The following NR1D2 variants were observed in gnomAD, a reference collection of about 807,000 sequenced individuals.
NR1D2 encodes V-erbA-related protein 1-related.
A neutral mutation model predicts 52.2 loss-of-function variants in NR1D2; 25 were observed. The observed-to-expected ratio is 0.48, with a 90% confidence interval of 0.35 to 0.67. The LOEUF (loss-of-function observed/expected upper bound fraction) is 0.67. Among genes scored for constraint, NR1D2 ranks in the 30% least tolerant of loss-of-function variants. The pLI is 0.01. For missense variants in NR1D2, 681 were observed against 707.2 expected (o/e 0.96, Z 0.42); for synonymous variants, 259 against 230.1 (o/e 1.13, Z -1.14).
intron 1 of NR1D2, 69 bp downstream of exon 1, chr3:23,945,663 G>C (rs956595592): frequency 2.8e-6 from 3 of 1,083,688 alleles, no homozygotes; most frequent in African/African-American, 1.7e-5. Flanking sequence ...GGCACTTTGG[G>C]GGGCGGCGGC....
At chr3:23,975,048 A>G (rs1170124590) in intron 7 of NR1D2, among the ~76,000 whole-genome samples, 1 of 151,958 alleles carries the variant, frequency 6.6e-6, no homozygotes, top group East Asian at 1.9e-4. Context: ...CAAACTCCTG[A>G]TCTCAGGTGA....
chr3:23,945,808 T>A (rs963990703), intron 1 of NR1D2, among the ~76,000 whole-genome samples: 1 of 149,924 alleles, frequency 6.7e-6, no homozygotes, highest in African/African-American at 2.4e-5. Context: ...CAGCGCGGCC[T>A]GCCGGCGCCC....
At chr3:23,958,180 G>T (rs920125145) in intron 3 of NR1D2, among the ~76,000 whole-genome samples, 2 of 152,164 alleles carry the variant, frequency 1.3e-5, no homozygotes, top group East Asian at 3.8e-4. Context: ...TTGGTGTGTG[G>T]TGTAACACTT....
At chr3:23,970,971 G>A (rs111725700) in intron 7 of NR1D2, among the ~76,000 whole-genome samples, 13 of 152,044 alleles carry the variant, frequency 8.6e-5, no homozygotes, top group African/African-American at 3.1e-4. Flanking sequence ...AGTAGACAGG[G>A]GGTTTCTCCA....
chr3:23,965,418 T>C (rs1706415927), intron 6 of NR1D2, among the ~76,000 whole-genome samples: 1 of 151,156 alleles, frequency 6.6e-6, no homozygotes, highest in Admixed American at 6.6e-5. Context: ...TTTTTTGTTT[T>C]TTTTTTTTTG....
chr3:23,963,750 A>G (rs1390771715), intron 5 of NR1D2, among the ~76,000 whole-genome samples: 7 of 151,976 alleles, frequency 4.6e-5, no homozygotes, highest in Admixed American at 1.3e-4. Flanking sequence ...CGCCTGGCCA[A>G]GTGGCTGCCT....
intron 7 of NR1D2, among the ~76,000 whole-genome samples, chr3:23,973,661 ATTT>A (rs573761026): frequency 6.6e-6 from 1 of 151,592 alleles, no homozygotes; most frequent in Non-Finnish European, 1.5e-5. Flanking sequence ...ATTTATTAAA[ATTT>A]TTTTTTCTTC....
At chr3:23,953,279 G>T (rs1705991393) in intron 1 of NR1D2, among the ~76,000 whole-genome samples, 1 of 144,406 alleles carries the variant, frequency 6.9e-6, no homozygotes, top group South Asian at 2.2e-4. Flanking sequence ...GGAGGTGGAG[G>T]TTGCTGTAAG....
intron 2 of NR1D2, among the ~76,000 whole-genome samples, chr3:23,955,076 C>T (rs535056977): frequency 1.2e-4 from 19 of 152,346 alleles, no homozygotes; most frequent in African/African-American, 4.6e-4. Flanking sequence ...CTACATTTCA[C>T]AGTTACTTTT....
At chr3:23,964,376 C>T (rs941388608) in intron 5 of NR1D2, among the ~76,000 whole-genome samples, 1 of 152,186 alleles carries the variant, frequency 6.6e-6, no homozygotes, top group African/African-American at 2.4e-5. Context: ...TGCGCCCGGC[C>T]AGGCAGTGAG....
chr3:23,968,342 G>A (rs1451533063), intron 7 of NR1D2, among the ~76,000 whole-genome samples: 1 of 152,130 alleles, frequency 6.6e-6, no homozygotes, highest in Admixed American at 6.5e-5. Flanking sequence ...GTATCTCCAG[G>A]TAGGTAGTTG....
chr3:23,976,711 TA>T (rs1386958502), intron 7 of NR1D2, among the ~76,000 whole-genome samples: 3 of 152,186 alleles, frequency 2.0e-5, no homozygotes, highest in Admixed American at 6.5e-5. Flanking sequence ...AATTCTGCCA[TA>T]TTTTTTTTCA....
At chr3:23,946,988 T>G (rs1705747656) in intron 1 of NR1D2, among the ~76,000 whole-genome samples, 1 of 152,202 alleles carries the variant, frequency 6.6e-6, no homozygotes. Flanking sequence ...AAAAATAAAG[T>G]CACTTTCTAA....
chr3:23,978,110 G>T lies in NR1D2; in HGVS notation c.*691G>T, dbSNP rs1706783819. 1 of 152,056 alleles carries T rather than the reference G, an allele frequency of 6.6e-6. No homozygotes were observed. Among genetic ancestry groups the T allele is most frequent in the South Asian group, 2.1e-4 (1 of 4,818 alleles). 9.4% of individuals were successfully genotyped at this position (152,056 alleles called of 1,614,324 possible). A position where few individuals can be genotyped will look rare whatever the true frequency, so the allele number is the denominator to read the frequency against. ...TCTTTTCTTATTTCTAAGCCTTTCT[G>T]GGAAATCATTTCAGTCCACACCAAC... On this transcript the variant is annotated 3_prime_UTR_variant, in exon 8 of 8. Transcript: ENST00000312521.
intron 3 of NR1D2, among the ~76,000 whole-genome samples, chr3:23,958,675 T>C (rs1429981156): frequency 1.5e-5 from 2 of 134,444 alleles, no homozygotes; most frequent in East Asian, 4.4e-4. Flanking sequence ...AGCCTGGACA[T>C]GGTGGCTCGT....
At chr3:23,971,184 TC>T (rs1489760073) in intron 7 of NR1D2, among the ~76,000 whole-genome samples, 1 of 152,178 alleles carries the variant, frequency 6.6e-6, no homozygotes, top group Non-Finnish European at 1.5e-5. Flanking sequence ...TCTGCTTTTT[TC>T]CTCTTTCCTC....
intron 1 of NR1D2, among the ~76,000 whole-genome samples, chr3:23,949,668 G>C (rs531484236): frequency 6.6e-6 from 1 of 152,206 alleles, no homozygotes; most frequent in Non-Finnish European, 1.5e-5. Context: ...TAGTGCTTCA[G>C]TTAGATCTAC....
chr3:23,957,404 T>TTC (rs1257068759), intron 3 of NR1D2, among the ~76,000 whole-genome samples: 2 of 147,134 alleles, frequency 1.4e-5, no homozygotes, highest in African/African-American at 5.0e-5. Context: ...TTTTTTTTTT[T>TTC]TTTTTTTTTT....
intron 2 of NR1D2, among the ~76,000 whole-genome samples, chr3:23,955,141 TG>T (rs1706048361): frequency 6.6e-6 from 1 of 152,184 alleles, no homozygotes. Flanking sequence ...TTGCTCATTG[TG>T]GGAAGGGGTT....
Sources: gnomAD v4.1 joint callset for allele counts (sites outside exome capture counted in the v4.1 genomes callset) on GRCh38, gnomAD v4.1.1 for gene constraint, MANE v1.5 for transcripts, NCBI Gene and HGNC (gene_info 2026-07-23, HGNC 2026-07-21) for gene names.